GPC5: variants seen among roughly 807,000 people sequenced by gnomAD.
GPC5 encodes glypican 5.
GPC5 carries 47 observed loss-of-function variants against 53.9 expected under a neutral mutation model. The ratio of observed to expected loss-of-function variants is 0.87; its 90% CI spans 0.69 to 1.11. The LOEUF (loss-of-function observed/expected upper bound fraction) is 1.11, where lower values mean the gene tolerates loss of function less well. Among genes scored for constraint, GPC5 ranks in the 50% most tolerant of loss-of-function variants. The probability of loss-of-function intolerance (pLI) is 0.00; values close to 1 mark genes in which losing one functional copy is unlikely to be tolerated. For synonymous variants in GPC5, 286 were observed against 263.3 expected, an observed-to-expected ratio of 1.09 and a Z score of -0.84; for missense variants, 748 against 713.1, an observed-to-expected ratio of 1.05 and a Z score of -0.56.
At chr13:91,726,133 C>T (rs1446741458) in intron 3 of GPC5, among the ~76,000 whole-genome samples, 1 of 152,134 alleles carries the variant, frequency 6.6e-6, no homozygotes, top group Non-Finnish European at 1.5e-5. Context: ...ACTTCACTAT[C>T]ACTATTTTTC....
intron 6 of GPC5, among the ~76,000 whole-genome samples, chr13:92,007,860 G>A (rs938703475): frequency 6.6e-6 from 1 of 151,924 alleles, no homozygotes; most frequent in African/African-American, 2.4e-5. Flanking sequence ...CACTGGCAAC[G>A]TATCCTAGTC....
chr13:92,400,170 ACCC>A (rs1875492553), intron 7 of GPC5, among the ~76,000 whole-genome samples: 1 of 152,156 alleles, frequency 6.6e-6, no homozygotes, highest in South Asian at 2.1e-4. Context: ...GAGATTCTGG[ACCC>A]TAAATGAGAT....
At chr13:92,650,987 T>C (rs1438746099) in intron 7 of GPC5, among the ~76,000 whole-genome samples, 2 of 151,888 alleles carry the variant, frequency 1.3e-5, no homozygotes, top group African/African-American at 4.8e-5. Context: ...CACTTATGAG[T>C]GAGAACATGT....
At chr13:92,018,195 T>C (rs1406351213) in intron 6 of GPC5, among the ~76,000 whole-genome samples, 1 of 152,158 alleles carries the variant, frequency 6.6e-6, no homozygotes, top group Non-Finnish European at 1.5e-5. Flanking sequence ...AAGGTAGGCA[T>C]TTATTTTTTA....
At chr13:92,485,818 T>C (rs1332217994) in intron 7 of GPC5, among the ~76,000 whole-genome samples, 3 of 152,060 alleles carry the variant, frequency 2.0e-5, no homozygotes, top group East Asian at 3.9e-4. Flanking sequence ...TATACTAAAT[T>C]AGCCAGACTT....
intron 6 of GPC5, among the ~76,000 whole-genome samples, chr13:91,910,898 G>A (rs1210606495): frequency 6.6e-6 from 1 of 152,098 alleles, no homozygotes; most frequent in Non-Finnish European, 1.5e-5. Context: ...CAGTATTGTA[G>A]CTGACACATG....
chr13:91,623,549 G>T (rs1310758572), intron 2 of GPC5, among the ~76,000 whole-genome samples: 2 of 152,070 alleles, frequency 1.3e-5, no homozygotes, highest in Non-Finnish European at 2.9e-5. Context: ...TGGCACCAGG[G>T]TTTATCTTAT....
At chr13:92,864,541 C>G (rs1395139494) in intron 7 of GPC5, among the ~76,000 whole-genome samples, 1 of 151,592 alleles carries the variant, frequency 6.6e-6, no homozygotes, top group Non-Finnish European at 1.5e-5. Context: ...CTGTAATGCT[C>G]AAATTTATGT....
intron 6 of GPC5, among the ~76,000 whole-genome samples, chr13:92,112,378 TA>T (rs2041564487): frequency 6.6e-6 from 1 of 152,076 alleles, no homozygotes; most frequent in Admixed American, 6.5e-5. Context: ...GGAAGTAGAT[TA>T]AGAAGTGATG....
chr13:91,500,245 A>C (rs1045280556), intron 2 of GPC5, among the ~76,000 whole-genome samples: 15 of 152,236 alleles, frequency 9.9e-5, no homozygotes, highest in African/African-American at 3.6e-4. Context: ...TGTCTTTAGA[A>C]ATTAGAATGG....
chr13:91,920,924 C>CTTTT lies in GPC5; in HGVS notation c.1401+12868_1401+12869insTTTT, dbSNP rs1447586700. 6.7e-4 allele frequency among the ~76,000 whole-genome samples: 40 copies of CTTTT among 59,578 alleles called. 1 individual carries two copies. Among genetic ancestry groups the CTTTT allele is most frequent in the African/African-American group, 2.3e-3 (34 of 14,642 alleles). 39.1% of individuals were successfully genotyped at this position (59,578 alleles called of 152,430 possible). On this transcript the variant is annotated intron_variant, in intron 6 of 7. Transcript: ENST00000377067. ...TTTTTAAATCTCTCTCTCTCTCTCTCTCTTTTTTTTTTTTTTTTTTTTTTT... is the reference window on the plus strand; with the variant it reads ...TTTTTAAATCTCTCTCTCTCTCTCTCTTTTTCTTTTTTTTTTTTTTTTTTTTTTT...
chr13:91,732,481 A>G (rs2036722213), intron 4 of GPC5, among the ~76,000 whole-genome samples: 1 of 151,034 alleles, frequency 6.6e-6, no homozygotes, highest in Non-Finnish European at 1.5e-5. Flanking sequence ...TTGCCTTTTC[A>G]CTTTGATGAT....
At chr13:92,844,584 T>C (rs1038558515) in intron 7 of GPC5, among the ~76,000 whole-genome samples, 5 of 151,996 alleles carry the variant, frequency 3.3e-5, no homozygotes, top group African/African-American at 1.2e-4. Flanking sequence ...TTTTGTGTAT[T>C]TACACAAATG....
intron 7 of GPC5, among the ~76,000 whole-genome samples, chr13:92,189,805 T>G (rs1461275009): frequency 6.6e-6 from 1 of 152,046 alleles, no homozygotes; most frequent in Non-Finnish European, 1.5e-5. Flanking sequence ...GTCAAATAAA[T>G]GAATAATGCT....
chr13:91,896,384 G>T (rs2039442548), intron 5 of GPC5, among the ~76,000 whole-genome samples: 2 of 152,232 alleles, frequency 1.3e-5, no homozygotes, highest in Middle Eastern at 3.4e-3. Flanking sequence ...CTCCCAAAGT[G>T]TTGGGATTAC....
rs115484037 is a variant in GPC5 at position 92,039,748 on chromosome 13, G to A, written c.1402-105082G>A. Among the ~76,000 whole-genome samples, 1,288 of 152,054 alleles carry A rather than the reference G, an allele frequency of 8.5e-3. 20 individuals carry two copies. The highest frequency in any genetic ancestry group is 0.029 in the African/African-American group (1,201 of 41,466). On this transcript the variant is annotated intron_variant, in intron 6 of 7. Transcript: ENST00000377067. Reference sequence around the variant, plus strand: ...GGCTGCCTTCTGGCTATACCTTCACGTGTTTTTTTTTCTATGTGTGTGCAC... The same window carrying A: ...GGCTGCCTTCTGGCTATACCTTCACATGTTTTTTTTTCTATGTGTGTGCAC...
At chr13:91,505,648 A>G (rs1348351912) in intron 2 of GPC5, among the ~76,000 whole-genome samples, 1 of 152,190 alleles carries the variant, frequency 6.6e-6, no homozygotes, top group East Asian at 1.9e-4. Flanking sequence ...TGCTATTTTT[A>G]TCTTCCAACA....
At chr13:92,568,455 A>G (rs969270227) in intron 7 of GPC5, among the ~76,000 whole-genome samples, 25 of 152,210 alleles carry the variant, frequency 1.6e-4, no homozygotes, top group Admixed American at 3.9e-4. Context: ...CACTGTCAGT[A>G]TATGACAAAG....
chr13:92,076,397 T>C (rs1290744864), intron 6 of GPC5, among the ~76,000 whole-genome samples: 1 of 152,142 alleles, frequency 6.6e-6, no homozygotes, highest in Non-Finnish European at 1.5e-5. Context: ...AGTTTCTTAT[T>C]TATCTGTATT....
Sources: gnomAD v4.1 joint callset for allele counts (sites outside exome capture counted in the v4.1 genomes callset) on GRCh38, gnomAD v4.1.1 for gene constraint, MANE v1.5 for transcripts, NCBI Gene and HGNC (gene_info 2026-07-23, HGNC 2026-07-21) for gene names.